Variants in FBXL20 observed in about 807,000 individuals in gnomAD.
The protein encoded by FBXL20 is F-box/LRR-repeat protein 20.
In FBXL20, 11 loss-of-function variants were observed where a neutral mutation model predicts 64.0. The ratio of observed to expected loss-of-function variants is 0.17; its 90% confidence interval spans 0.11 to 0.28. The LOEUF (loss-of-function observed/expected upper bound fraction) is 0.28, where lower values mean the gene tolerates loss of function less well. FBXL20 is among the 10% of genes least tolerant of loss of function. The pLI, the probability that FBXL20 is intolerant of heterozygous loss-of-function variation, is 1.00. For missense variants in FBXL20, 303 were observed against 526.2 expected (o/e 0.58, Z 4.15); for synonymous variants, 184 against 189.0 (o/e 0.97, Z 0.22).
At chr17:39,380,259 T>C (rs2048009351) in intron 1 of FBXL20, among the ~76,000 whole-genome samples, 1 of 152,164 alleles carries the variant, frequency 6.6e-6, no homozygotes, top group Non-Finnish European at 1.5e-5. Flanking sequence ...TTTGTAAGAA[T>C]AAAATTCAGA....
At position 39,301,036 on chromosome 17, in the gene FBXL20, G is replaced by A. The variant is rs1045070574; in HGVS notation, c.199C>T (p.Arg67Ter). ...VLALDGSNWQ[R>*]IDLFDFQRDI... is the part of the protein sequence containing the mutation. ...CTCTGGAAATCAAATAGGTCAATTC[G>A]CTGCCAGTTACTGCCATCCAGAGCC... The change falls in exon 4 of 15, where the codon CGA becomes TGA. Residue 67 changes from arginine to a stop codon, truncating the protein, a stop_gained. Coordinates refer to ENST00000264658, the MANE Select transcript of FBXL20 (RefSeq NM_032875.3). LOFTEE classifies it high-confidence loss of function. The A allele has an allele frequency of 6.2e-7, 1 of 1,613,644 alleles. No individual in the cohort carries two copies.
chr17:39,294,840 T>C (rs1457853991), intron 6 of FBXL20, among the ~76,000 whole-genome samples: 6 of 152,062 alleles, frequency 3.9e-5, no homozygotes, highest in Admixed American at 3.9e-4. Context: ...GGTGAAACCC[T>C]GTCTCTACTA....
chr17:39,288,763 C>G (rs1355985554), intron 6 of FBXL20, among the ~76,000 whole-genome samples: 1 of 151,708 alleles, frequency 6.6e-6, no homozygotes, highest in Non-Finnish European at 1.5e-5. Flanking sequence ...GGCTGGAGTG[C>G]AGTGGCGCGA....
At chr17:39,376,426 C>T (rs966831133) in intron 1 of FBXL20, among the ~76,000 whole-genome samples, 1 of 152,104 alleles carries the variant, frequency 6.6e-6, no homozygotes, top group African/African-American at 2.4e-5. Context: ...AATGTATGTC[C>T]ATAAGGGCAT....
At chr17:39,339,341 AC>A (rs1252312211) in intron 2 of FBXL20, among the ~76,000 whole-genome samples, 1 of 152,054 alleles carries the variant, frequency 6.6e-6, no homozygotes, top group Non-Finnish European at 1.5e-5. Flanking sequence ...GGTGGCATGT[AC>A]CTGAGTCCCA....
At chr17:39,361,845 C>A (rs1042219706) in intron 1 of FBXL20, among the ~76,000 whole-genome samples, 1 of 151,772 alleles carries the variant, frequency 6.6e-6, no homozygotes, top group African/African-American at 2.4e-5. Flanking sequence ...ACCTGTAAAT[C>A]CCAGCACTTT....
chr17:39,261,862 C>G (rs2046749261), intron 14 of FBXL20, among the ~76,000 whole-genome samples: 1 of 152,046 alleles, frequency 6.6e-6, no homozygotes, highest in African/African-American at 2.4e-5. Context: ...ACGGGCGGAT[C>G]ACGAGGTCAG....
intron 1 of FBXL20, among the ~76,000 whole-genome samples, chr17:39,383,586 T>C (rs916432777): frequency 1.4e-5 from 2 of 145,414 alleles, no homozygotes; most frequent in African/African-American, 5.3e-5. Flanking sequence ...TGATACTTTA[T>C]ATGCTTTTTT....
intron 2 of FBXL20, among the ~76,000 whole-genome samples, chr17:39,335,582 C>CAAAAAAA (rs36023380): frequency 1.3e-5 from 1 of 77,362 alleles, no homozygotes; most frequent in Non-Finnish European, 2.5e-5. Context: ...GACTCCGTCT[C>CAAAAAAA]AAAAAAAAAA....
intron 4 of FBXL20, among the ~76,000 whole-genome samples, chr17:39,300,611 C>A (rs1448512379): frequency 2.0e-5 from 3 of 152,182 alleles, no homozygotes; most frequent in Non-Finnish European, 4.4e-5. Context: ...AACCAAAACA[C>A]ATATCTCAAA....
At chr17:39,361,280 T>G (rs764519857) in intron 1 of FBXL20, among the ~76,000 whole-genome samples, 1 of 151,918 alleles carries the variant, frequency 6.6e-6, no homozygotes, top group African/African-American at 2.4e-5. Flanking sequence ...AGCTGCCAAG[T>G]TGATGCTGTG....
At chr17:39,323,034 A>G (rs2047373178) in intron 2 of FBXL20, among the ~76,000 whole-genome samples, 1 of 151,232 alleles carries the variant, frequency 6.6e-6, no homozygotes. Context: ...CAGTGGCACA[A>G]TCTCGGCTCA....
At chr17:39,331,024 T>A (rs150527046) in intron 2 of FBXL20, among the ~76,000 whole-genome samples, 11 of 152,350 alleles carry the variant, frequency 7.2e-5, no homozygotes, top group African/African-American at 2.4e-4. Context: ...AAAGTCCTTT[T>A]CCTCTGCCCA....
At chr17:39,293,281 G>A (rs1234929995) in intron 6 of FBXL20, among the ~76,000 whole-genome samples, 1 of 151,826 alleles carries the variant, frequency 6.6e-6, no homozygotes, top group Non-Finnish European at 1.5e-5. Context: ...GAGTGCAGTG[G>A]CATGATCTCG....
chr17:39,273,208 G>T (rs2046862123), intron 10 of FBXL20, among the ~76,000 whole-genome samples: 1 of 151,876 alleles, frequency 6.6e-6, no homozygotes. Flanking sequence ...CAGAGACGAG[G>T]TTTCACCATG....
At chr17:39,268,353 CA>C (rs2046810775) in intron 12 of FBXL20, among the ~76,000 whole-genome samples, 1 of 151,756 alleles carries the variant, frequency 6.6e-6, no homozygotes, top group Admixed American at 6.6e-5. Context: ...AATTCCATCT[CA>C]AAAAAATAAT....
intron 2 of FBXL20, among the ~76,000 whole-genome samples, chr17:39,342,761 A>C (rs1327529539): frequency 7.2e-5 from 11 of 151,996 alleles, no homozygotes; most frequent in Non-Finnish European, 1.6e-4. Context: ...ATGTGCCTGT[A>C]GTCCCAGCTA....
intron 2 of FBXL20, among the ~76,000 whole-genome samples, chr17:39,331,829 C>T (rs577771249): frequency 6.6e-6 from 1 of 152,348 alleles, no homozygotes; most frequent in East Asian, 1.9e-4. Flanking sequence ...CAGCCCTGCA[C>T]TGTAATGGTT....
intron 1 of FBXL20, among the ~76,000 whole-genome samples, chr17:39,385,953 C>T (rs2048074417): frequency 6.7e-6 from 1 of 150,014 alleles, no homozygotes; most frequent in Admixed American, 6.7e-5. Flanking sequence ...TCACTTGAAC[C>T]CGGGAGGCAG....
Sources: allele counts gnomAD v4.1 joint callset (sites outside exome capture counted in the v4.1 genomes callset), GRCh38; gene constraint gnomAD v4.1.1; transcripts MANE v1.5; gene names NCBI Gene and HGNC (gene_info 2026-07-23, HGNC 2026-07-21).